The following BBS2 variants were observed in gnomAD, a reference collection of about 807,000 sequenced individuals.
BBS2 encodes the protein Bardet-Biedl syndrome 2.
BBS2 carries 62 observed loss-of-function variants against 83.0 expected under a neutral mutation model. That is an observed-to-expected ratio of 0.75 (90% CI 0.61 to 0.92). BBS2 has a LOEUF of 0.92. Ranked by LOEUF, BBS2 falls within the 40% of genes least tolerant of loss-of-function variation. BBS2 has a pLI of 0.00. For synonymous variants in BBS2, 303 were observed against 326.1 expected (o/e 0.93, Z 0.76); for missense variants, 784 against 901.0 (o/e 0.87, Z 1.66).
At chr16:56,473,087 C>T (rs1257679053) in intron 17 of BBS2, among the ~76,000 whole-genome samples, 2 of 152,122 alleles carry the variant, frequency 1.3e-5, no homozygotes, top group Non-Finnish European at 2.9e-5. Flanking sequence ...CATGCCACCA[C>T]GCCCGGCTAA....
chr16:56,500,587 T>G, intron 11 of BBS2: 1 of 413,604 alleles, frequency 2.4e-6, no homozygotes, highest in Non-Finnish European at 4.4e-6. Context: ...ATTGCCCCAC[T>G]GTACTCCAGC....
At chr16:56,508,716 G>A (rs1439066118) in intron 5 of BBS2, among the ~76,000 whole-genome samples, 12 of 150,970 alleles carry the variant, frequency 7.9e-5, no homozygotes, top group African/African-American at 2.2e-4. Context: ...CGTGATCATA[G>A]CTCACTGTAG....
At chr16:56,492,231 T>A (rs1361495355) in intron 15 of BBS2, among the ~76,000 whole-genome samples, 1 of 152,070 alleles carries the variant, frequency 6.6e-6, no homozygotes, top group Non-Finnish European at 1.5e-5. Context: ...CACCACACTA[T>A]TTACAATAAC....
At chr16:56,500,321 T>A in intron 11 of BBS2, 1 of 265,374 alleles carries the variant, frequency 3.8e-6, no homozygotes. Context: ...ATCACCTGAC[T>A]AAAAACAGAA....
chr16:56,519,948 GGACAC>G lies in BBS2; in HGVS notation c.-91_-87del. 8.4e-7 allele frequency: 1 copy of G among 1,185,994 alleles called. No homozygotes were observed. Among genetic ancestry groups the G allele is most frequent in the Non-Finnish European group, 1.2e-6 (1 of 802,282 alleles). The allele number at this position is 1,185,994 out of a possible 1,614,324, so 73.5% of individuals were successfully genotyped here. A position where few individuals can be genotyped will look rare whatever the true frequency, so the allele number is the denominator to read the frequency against. On this transcript the variant is annotated 5_prime_UTR_variant, in exon 1 of 17. Transcript: ENST00000245157. Reference sequence around the variant, plus strand: ...TCACGCGCCCGGGCAAGAAGTGCAGGGACACTACCTGCGCGGCCCCAGCCGCCTCA... The same window carrying G: ...TCACGCGCCCGGGCAAGAAGTGCAGGTACCTGCGCGGCCCCAGCCGCCTCA...
chr16:56,482,143 C>A (rs1963672930), downstream of BBS2, among the ~76,000 whole-genome samples: 1 of 152,022 alleles, frequency 6.6e-6, no homozygotes. Context: ...TATTAGACTC[C>A]CTAAAAATGA....
At chr16:56,491,191 C>A (rs1429679737) in intron 15 of BBS2, among the ~76,000 whole-genome samples, 1 of 152,158 alleles carries the variant, frequency 6.6e-6, no homozygotes, top group Non-Finnish European at 1.5e-5. Context: ...GTGGTTCGTC[C>A]CCGCCAAAAC....
downstream of BBS2, among the ~76,000 whole-genome samples, chr16:56,481,249 G>A (rs1478946112): frequency 1.3e-5 from 2 of 152,074 alleles, no homozygotes; most frequent in Non-Finnish European, 2.9e-5. Context: ...ATTAAGGACA[G>A]ACAATCCCAA....
At chr16:56,499,690 A>T in intron 12 of BBS2, 88 bp downstream of exon 12, 1 of 1,556,766 alleles carries the variant, frequency 6.4e-7, no homozygotes, top group Admixed American at 1.7e-5. Context: ...CCAATATAAC[A>T]CATTAATGTA....
At chr16:56,508,596 T>A (rs765595423) in intron 5 of BBS2, among the ~76,000 whole-genome samples, 6 of 152,094 alleles carry the variant, frequency 3.9e-5, no homozygotes, top group Non-Finnish European at 8.8e-5. Context: ...GATAGTGCTT[T>A]TTGCTTTATT....
At chr16:56,486,433 CAA>C (rs1184153481) in intron 15 of BBS2, among the ~76,000 whole-genome samples, 1 of 152,132 alleles carries the variant, frequency 6.6e-6, no homozygotes, top group African/African-American at 2.4e-5. Context: ...TTCTACTCAC[CAA>C]AGTCTGGAAA....
chr16:56,519,101 C>A (rs1964837192), intron 1 of BBS2, among the ~76,000 whole-genome samples: 2 of 152,030 alleles, frequency 1.3e-5, no homozygotes, highest in Admixed American at 6.5e-5. Flanking sequence ...GAGGCCGAGG[C>A]AGGTAAATCA....
At chr16:56,502,925 T>A (rs1964319202) in intron 7 of BBS2, 117 bp from the exon 8 acceptor site, 1 of 1,277,150 alleles carries the variant, frequency 7.8e-7, no homozygotes. Context: ...AAGAGTATTC[T>A]ATGAAGCCCT....
chr16:56,515,171 A>G (rs1163887651), intron 1 of BBS2, among the ~76,000 whole-genome samples: 1 of 152,212 alleles, frequency 6.6e-6, no homozygotes, highest in East Asian at 1.9e-4. Context: ...ACTTAAACCG[A>G]GTCATGCAAA....
intron 11 of BBS2, chr16:56,500,152 G>A (rs1597014511): frequency 2.2e-6 from 1 of 450,916 alleles, no homozygotes; most frequent in East Asian, 4.6e-5. Context: ...TCATAAAGGG[G>A]ATGTAAAAAG....
Position 56,502,722 on chromosome 16 carries a change from G to C in BBS2, c.891C>G (p.Tyr297Ter). 6.2e-7 allele frequency: 1 copy of C among 1,614,068 alleles called. No individual in the cohort carries two copies. The stretch of plus-strand genomic sequence containing the variant: ...TTAACTGTATGTGGCCATCCATCCG[G>C]TAATCTCCCTCTACCACACCGGCAA... Reference protein sequence around the residue: ...SAIAGVVEGDYRMDGHIQLIC... With the variant: ...SAIAGVVEGD Residue 297 changes from tyrosine to a stop codon, truncating the protein, a stop_gained, in exon 8 of 17, where the codon TAC becomes TAG. Coordinates refer to ENST00000245157, the MANE Select transcript of BBS2 (RefSeq NM_031885.5). LOFTEE classifies it high-confidence loss of function.
chr16:56,519,987 G>T lies in BBS2; in HGVS notation c.-125C>A. 1 of 829,790 alleles carries T rather than the reference G, an allele frequency of 1.2e-6. No homozygotes were observed. 51.4% of individuals were successfully genotyped at this position (829,790 alleles called of 1,614,324 possible). A position where few individuals can be genotyped will look rare whatever the true frequency, so the allele number is the denominator to read the frequency against. On this transcript the variant is annotated 5_prime_UTR_variant, in exon 1 of 17. Coordinates refer to ENST00000245157, the MANE Select transcript of BBS2 (RefSeq NM_031885.5). ...CGGCCCCAGCCGCCTCAGGCCGGACGCGAAACAGCCCGGGACGAACCCGTC... is the reference window on the plus strand; with the variant it reads ...CGGCCCCAGCCGCCTCAGGCCGGACTCGAAACAGCCCGGGACGAACCCGTC...
intron 17 of BBS2, chr16:56,476,844 AT>A (rs1963501528): frequency 6.6e-6 from 1 of 152,296 alleles, no homozygotes; most frequent in Admixed American, 6.6e-5. Context: ...CTCATACGTG[AT>A]TGCAGCCGGG....
At chr16:56,491,137 T>C (rs1156933117) in intron 15 of BBS2, among the ~76,000 whole-genome samples, 1 of 152,108 alleles carries the variant, frequency 6.6e-6, no homozygotes, top group Non-Finnish European at 1.5e-5. Context: ...TATTTGCAAC[T>C]CATATCACAC....
Sources: allele counts gnomAD v4.1 joint callset (sites outside exome capture counted in the v4.1 genomes callset), GRCh38; gene constraint gnomAD v4.1.1; transcripts MANE v1.5; gene names NCBI Gene and HGNC (gene_info 2026-07-23, HGNC 2026-07-21).